The following CAMKMT variants were observed in gnomAD, a reference collection of about 807,000 sequenced individuals.
CAMKMT encodes calmodulin-lysine N-methyltransferase, also known as CaM KMT.
A neutral mutation model predicts 48.0 loss-of-function variants in CAMKMT; 53 were observed. The observed-to-expected ratio is 1.10, with a 90% CI of 0.89 to 1.39. The LOEUF (loss-of-function observed/expected upper bound fraction) is 1.39. CAMKMT is among the 40% of genes most tolerant of loss of function. The probability of loss-of-function intolerance (pLI) is 0.00; values close to 1 mark genes in which losing one functional copy is unlikely to be tolerated. For synonymous variants in CAMKMT, 165 were observed against 152.3 expected, an observed-to-expected ratio of 1.08 and a Z score of -0.61; for missense variants, 428 against 402.7, an observed-to-expected ratio of 1.06 and a Z score of -0.54.
intron 3 of CAMKMT, among the ~76,000 whole-genome samples, chr2:44,600,259 G>A (rs891061828): frequency 6.6e-6 from 1 of 150,472 alleles, no homozygotes; most frequent in Non-Finnish European, 1.5e-5. Flanking sequence ...ATGAGACCAA[G>A]ATTTTTTTTT....
At chr2:44,674,088 G>T (rs1052247739) in intron 3 of CAMKMT, among the ~76,000 whole-genome samples, 4 of 152,170 alleles carry the variant, frequency 2.6e-5, no homozygotes, top group African/African-American at 9.7e-5. Context: ...AAGTCTGTGT[G>T]GAATCACTTA....
At chr2:44,396,974 G>C (rs1424069414) in intron 3 of CAMKMT, among the ~76,000 whole-genome samples, 1 of 150,394 alleles carries the variant, frequency 6.6e-6, no homozygotes, top group Non-Finnish European at 1.5e-5. Flanking sequence ...CAGTAGAATC[G>C]CTTGAACCCA....
intron 3 of CAMKMT, among the ~76,000 whole-genome samples, chr2:44,697,113 A>T (rs1483428800): frequency 6.6e-6 from 1 of 152,204 alleles, no homozygotes; most frequent in Non-Finnish European, 1.5e-5. Flanking sequence ...TGGAGTAAGG[A>T]AATAATCGAT....
At chr2:44,577,873 G>A (rs1669319885) in intron 3 of CAMKMT, among the ~76,000 whole-genome samples, 1 of 152,162 alleles carries the variant, frequency 6.6e-6, no homozygotes, top group South Asian at 2.1e-4. Flanking sequence ...CACCCCGCTT[G>A]TATCTCCTAG....
chr2:44,683,716 G>T (rs7586254), intron 3 of CAMKMT, among the ~76,000 whole-genome samples: 10 of 150,898 alleles, frequency 6.6e-5, no homozygotes, highest in African/African-American at 2.4e-4. Flanking sequence ...CCAGCTACTC[G>T]GGAGGCTGAG....
intron 7 of CAMKMT, among the ~76,000 whole-genome samples, chr2:44,733,283 G>C (rs1457638026): frequency 1.3e-5 from 2 of 152,086 alleles, no homozygotes; most frequent in Non-Finnish European, 2.9e-5. Flanking sequence ...AAACAGAATG[G>C]TTTTTTAATG....
chr2:44,524,818 C>T (rs1671313788), intron 3 of CAMKMT, among the ~76,000 whole-genome samples: 1 of 152,172 alleles, frequency 6.6e-6, no homozygotes, highest in Admixed American at 6.6e-5. Context: ...TGGCACAGTA[C>T]TTGGAATCCA....
rs144078978 is a variant in CAMKMT, at chr2:44,704,797, C to A, written c.437+454C>A. Among the ~76,000 whole-genome samples the A allele has an allele frequency of 3.9e-3, 595 of 152,022 alleles. 7 individuals are homozygous for A. Among genetic ancestry groups the A allele is most frequent in the Non-Finnish European group, 4.9e-3 (330 of 67,982 alleles). On this transcript the variant is annotated intron_variant, in intron 4 of 10. Coordinates refer to ENST00000378494, the MANE Select transcript of CAMKMT (RefSeq NM_024766.5). ...GCTATTATTTAATGATGCCATCCCA[C>A]CCCTGGTTTTAAAGGTAGTTTTATA...
intron 2 of CAMKMT, among the ~76,000 whole-genome samples, chr2:44,384,016 GTA>G (rs1345418076): frequency 6.6e-6 from 1 of 152,154 alleles, no homozygotes; most frequent in African/African-American, 2.4e-5. Flanking sequence ...GGACCAAATG[GTA>G]GTTCTACTTT....
At chr2:44,481,503 T>C (rs1412535180) in intron 3 of CAMKMT, among the ~76,000 whole-genome samples, 2 of 152,074 alleles carry the variant, frequency 1.3e-5, no homozygotes, top group African/African-American at 2.4e-5. Flanking sequence ...TCCATTTTTA[T>C]TTTTGCAATT....
intron 3 of CAMKMT, among the ~76,000 whole-genome samples, chr2:44,495,595 C>T (rs1403419377): frequency 6.6e-6 from 1 of 152,058 alleles, no homozygotes; most frequent in Admixed American, 6.5e-5. Flanking sequence ...TTTCTAAAAG[C>T]TTTTGTAGTG....
chr2:44,666,687 C>T (rs942145932), intron 3 of CAMKMT, among the ~76,000 whole-genome samples: 4 of 150,744 alleles, frequency 2.7e-5, no homozygotes, highest in African/African-American at 9.9e-5. Flanking sequence ...TCTCGGCTCA[C>T]TGAGCCTCCG....
At chr2:44,655,555 G>T (rs572089829) in intron 3 of CAMKMT, among the ~76,000 whole-genome samples, 1 of 152,144 alleles carries the variant, frequency 6.6e-6, no homozygotes, top group Non-Finnish European at 1.5e-5. Context: ...CTCATTACAG[G>T]TGCTTTTCAA....
intron 3 of CAMKMT, among the ~76,000 whole-genome samples, chr2:44,547,226 C>A (rs1667457337): frequency 6.6e-6 from 1 of 152,096 alleles, no homozygotes; most frequent in Non-Finnish European, 1.5e-5. Flanking sequence ...CTTATTGGGT[C>A]CTCTAGCAGT....
chr2:44,749,709 C>T (rs1680073621), intron 8 of CAMKMT, among the ~76,000 whole-genome samples: 1 of 152,210 alleles, frequency 6.6e-6, no homozygotes, highest in South Asian at 2.1e-4. Flanking sequence ...CACACAGCAG[C>T]AACATCAAAG....
At chr2:44,518,045 G>A (rs1334358214) in intron 3 of CAMKMT, among the ~76,000 whole-genome samples, 3 of 152,146 alleles carry the variant, frequency 2.0e-5, no homozygotes, top group African/African-American at 7.2e-5. Context: ...GTGTTTTGTG[G>A]GGCTTAGGGG....
chr2:44,770,677 G>C (rs1681067156), intron 10 of CAMKMT, among the ~76,000 whole-genome samples: 1 of 152,040 alleles, frequency 6.6e-6, no homozygotes, highest in African/African-American at 2.4e-5. Context: ...GTAAGTCCCG[G>C]TCAGTGGGTA....
At chr2:44,597,623 A>G (rs1670738437) in intron 3 of CAMKMT, among the ~76,000 whole-genome samples, 1 of 152,192 alleles carries the variant, frequency 6.6e-6, no homozygotes, top group South Asian at 2.1e-4. Context: ...TAATGTTACA[A>G]GTGTGTTAAA....
Position 44,538,962 on chromosome 2 carries a change from G to C in CAMKMT, c.376+148657G>C, listed in dbSNP as rs1378852004. 1.6e-3 allele frequency among the ~76,000 whole-genome samples: 8 copies of C among 5,092 alleles called. No homozygotes were observed. The African/African-American group carries it at 0.025, about 16-fold the overall frequency. 3.3% of individuals were successfully genotyped at this position (5,092 alleles called of 152,430 possible). On this transcript the variant is annotated intron_variant, in intron 3 of 10. Coordinates refer to ENST00000378494, the MANE Select transcript of CAMKMT (RefSeq NM_024766.5). The stretch of plus-strand genomic sequence containing the variant: ...TCTCTCTTTCTGTGTGTGTGTCTGT[G>C]TGTGTGTGTGTGTGTGTGTGTGTGT...
Sources: gnomAD v4.1 joint callset for allele counts (sites outside exome capture counted in the v4.1 genomes callset) on GRCh38, gnomAD v4.1.1 for gene constraint, MANE v1.5 for transcripts, NCBI Gene and HGNC (gene_info 2026-07-23, HGNC 2026-07-21) for gene names.